CFAP20DC: variants seen among roughly 807,000 people sequenced by gnomAD.
CFAP20DC encodes the protein protein CFAP20DC.
In CFAP20DC, 84 loss-of-function variants were observed where a neutral mutation model predicts 101.7. That is an observed-to-expected ratio of 0.83 (90% CI 0.69 to 0.99). CFAP20DC has a LOEUF of 0.99. Among genes scored for constraint, CFAP20DC ranks in the 50% least tolerant of loss-of-function variants. The probability of loss-of-function intolerance (pLI) is 0.00; values close to 1 mark genes in which losing one functional copy is unlikely to be tolerated. For synonymous variants in CFAP20DC, 359 were observed against 351.2 expected, an observed-to-expected ratio of 1.02 and a Z score of -0.25; for missense variants, 1,007 against 970.3, an observed-to-expected ratio of 1.04 and a Z score of -0.50.
At chr3:58,727,389 CTATT>C (rs1473329012) in intron 3 of CFAP20DC, 1 of 152,294 alleles carries the variant, frequency 6.6e-6, no homozygotes, top group Non-Finnish European at 1.5e-5. Flanking sequence ...GGCTTCTTAT[CTATT>C]TAATTCTGAT....
In CFAP20DC at chr3:59,015,412, T is replaced by C. The variant is rs919091496; in HGVS notation, c.278+24145A>G. On this transcript the variant is annotated intron_variant, in intron 4 of 16. Coordinates refer to ENST00000482387, the MANE Select transcript of CFAP20DC (RefSeq NM_001394063.1). The surrounding 1 kb of genome is among the most constrained non-coding windows in gnomAD (Gnocchi z 5.4). Reference sequence around the variant, plus strand: ...AGAAGTAAAAGGCAAAGGGCAAGAATAAAGATAGATGGAAGGGAAGAGAGG... The same window carrying C: ...AGAAGTAAAAGGCAAAGGGCAAGAACAAAGATAGATGGAAGGGAAGAGAGG... Among the ~76,000 whole-genome samples the C allele has an allele frequency of 7.0e-6, 1 of 143,790 alleles. No homozygotes were observed. Among genetic ancestry groups the C allele is most frequent in the African/African-American group, 2.6e-5 (1 of 38,550 alleles). 94.3% of individuals were successfully genotyped at this position (143,790 alleles called of 152,430 possible). A position where few individuals can be genotyped will look rare whatever the true frequency, so the allele number is the denominator to read the frequency against.
chr3:58,973,946 A>G (rs2092110792), intron 4 of CFAP20DC, among the ~76,000 whole-genome samples: 1 of 152,156 alleles, frequency 6.6e-6, no homozygotes, highest in African/African-American at 2.4e-5. Flanking sequence ...TCTTGCTGGT[A>G]CTTCTCACTG....
intron 6 of CFAP20DC, among the ~76,000 whole-genome samples, chr3:58,907,260 C>A (rs1344352922): frequency 6.6e-6 from 1 of 152,084 alleles, no homozygotes; most frequent in African/African-American, 2.4e-5. Flanking sequence ...TTTTTCTTAA[C>A]CTGACAGGTC....
chr3:58,843,075 G>C (rs1167588623), intron 13 of CFAP20DC, among the ~76,000 whole-genome samples: 4 of 152,306 alleles, frequency 2.6e-5, no homozygotes, highest in African/African-American at 4.8e-5. Flanking sequence ...AAACAGAACA[G>C]AAAAACTGGA....
chr3:58,750,417 C>T (rs911084050), intron 16 of CFAP20DC, among the ~76,000 whole-genome samples: 1 of 152,188 alleles, frequency 6.6e-6, no homozygotes, highest in African/African-American at 2.4e-5. Flanking sequence ...ATAGCATCCA[C>T]ACCTCACTAG....
At chr3:59,044,336 G>C (rs1240246498) in intron 3 of CFAP20DC, among the ~76,000 whole-genome samples, 1 of 152,060 alleles carries the variant, frequency 6.6e-6, no homozygotes, top group East Asian at 1.9e-4. Flanking sequence ...AGTAAAAATA[G>C]CTATAAATTT....
intron 6 of CFAP20DC, among the ~76,000 whole-genome samples, chr3:58,904,067 A>C (rs1323064783): frequency 6.6e-6 from 1 of 152,162 alleles, no homozygotes; most frequent in East Asian, 1.9e-4. Flanking sequence ...GAGAAATTGC[A>C]TTGAATCTGT....
rs1474780132 is a variant in CFAP20DC at position 58,901,180 on chromosome 3, G to A, written c.550+12528C>T. On this transcript the variant is annotated intron_variant, in intron 6 of 16. Coordinates refer to ENST00000482387, the MANE Select transcript of CFAP20DC (RefSeq NM_001394063.1). Reference sequence around the variant, plus strand: ...TCTCTGAAACAACAGTGAGGGCCAAGTATAAAACACAAAGTTCTCTGCCAA... The same window carrying A: ...TCTCTGAAACAACAGTGAGGGCCAAATATAAAACACAAAGTTCTCTGCCAA... Among the ~76,000 whole-genome samples the A allele has an allele frequency of 3.3e-5, 5 of 152,170 alleles. No homozygotes were observed. The East Asian group carries it at 9.6e-4, about 29-fold the overall frequency.
intron 14 of CFAP20DC, among the ~76,000 whole-genome samples, chr3:58,815,385 G>T (rs1469993658): frequency 6.8e-5 from 10 of 147,172 alleles, no homozygotes; most frequent in African/African-American, 2.5e-4. Flanking sequence ...TTAAACGTTA[G>T]ACCTAAAACC....
At chr3:58,931,017 A>C (rs576784442) in intron 5 of CFAP20DC, among the ~76,000 whole-genome samples, 4 of 152,144 alleles carry the variant, frequency 2.6e-5, no homozygotes, top group Non-Finnish European at 4.4e-5. Flanking sequence ...CTTTCCTAGT[A>C]AAAGAAAGGG....
intron 4 of CFAP20DC, among the ~76,000 whole-genome samples, chr3:58,999,064 G>T (rs1490793046): frequency 6.6e-6 from 1 of 152,200 alleles, no homozygotes; most frequent in Non-Finnish European, 1.5e-5. Context: ...AGACAGACAT[G>T]AGAGGGAGAT....
At chr3:58,917,012 C>T (rs990798299) in intron 5 of CFAP20DC, among the ~76,000 whole-genome samples, 1 of 152,088 alleles carries the variant, frequency 6.6e-6, no homozygotes, top group African/African-American at 2.4e-5. Context: ...CTATGTACAA[C>T]TCTATCCAGC....
At chr3:58,778,986 T>C (rs903069091) in intron 15 of CFAP20DC, among the ~76,000 whole-genome samples, 1 of 152,134 alleles carries the variant, frequency 6.6e-6, no homozygotes. Context: ...TAAAAGCACA[T>C]TCAAATTATT....
chr3:58,866,774 C>T (rs559518121), intron 10 of CFAP20DC, 86 bp from the exon 11 acceptor site: 44 of 868,718 alleles, frequency 5.1e-5, no homozygotes, highest in Non-Finnish European at 7.0e-5. Context: ...CTTTGGTATA[C>T]TTTACTATTT....
At chr3:58,736,877 G>A (rs2067768687) in intron 3 of CFAP20DC, among the ~76,000 whole-genome samples, 1 of 152,026 alleles carries the variant, frequency 6.6e-6, no homozygotes, top group African/African-American at 2.4e-5. Flanking sequence ...TGTTATCTGT[G>A]GTCCATGTTT....
rs527725574 is a variant in CFAP20DC at position 58,864,118 on chromosome 3, C to T, written c.1259-226G>A. ...GGATTACAGGTGCACGCCATCATGCCCGGCTAATTTTTGTATTTTTAGTAG... is the reference window on the plus strand; with the variant it reads ...GGATTACAGGTGCACGCCATCATGCTCGGCTAATTTTTGTATTTTTAGTAG... On this transcript the variant is annotated intron_variant, in intron 11 of 16. Coordinates refer to ENST00000482387, the MANE Select transcript of CFAP20DC (RefSeq NM_001394063.1). The surrounding 1 kb of genome is among the most constrained non-coding windows in gnomAD (Gnocchi z 4.7). Among the ~76,000 whole-genome samples, 311 of 152,040 alleles carry T rather than the reference C, an allele frequency of 2.0e-3. 3 individuals carry two copies. Among genetic ancestry groups the T allele is most frequent in the African/African-American group, 7.4e-3 (305 of 41,484 alleles).
intron 3 of CFAP20DC, among the ~76,000 whole-genome samples, chr3:58,725,501 G>A (rs192703970): frequency 1.3e-5 from 2 of 152,258 alleles, no homozygotes; most frequent in African/African-American, 2.4e-5. Context: ...TAACCAACAC[G>A]ACGGGTGGTT....
intron 15 of CFAP20DC, among the ~76,000 whole-genome samples, chr3:58,758,522 G>T (rs1419938515): frequency 6.6e-6 from 1 of 151,740 alleles, no homozygotes; most frequent in Non-Finnish European, 1.5e-5. Context: ...CCTCAGCTCT[G>T]ACTATAATCC....
In CFAP20DC at chr3:58,874,377, A is replaced by C. The variant is rs553221948; in HGVS notation, c.716-4068T>G. Among the ~76,000 whole-genome samples the C allele has an allele frequency of 6.6e-6, 1 of 152,300 alleles. No individual in the cohort carries two copies. The highest frequency in any genetic ancestry group is 1.9e-4 in the East Asian group (1 of 5,192). On this transcript the variant is annotated intron_variant, in intron 7 of 16. Transcript: ENST00000482387. This position sits in a 1 kb window ranked among gnomAD's most constrained non-coding sequence, Gnocchi z 5.1. ...CCATGCCATCCCTCCTCCAAAATGC[A>C]GCCAGAGAGGTTTTATACAAACATA...
Sources: allele counts gnomAD v4.1 joint callset (sites outside exome capture counted in the v4.1 genomes callset), GRCh38; gene constraint gnomAD v4.1.1; non-coding constraint Gnocchi (gnomAD v3.1); transcripts MANE v1.5; gene names NCBI Gene and HGNC (gene_info 2026-07-23, HGNC 2026-07-21).